The following MAEA variants were observed in gnomAD, a reference collection of about 807,000 sequenced individuals.
MAEA encodes E3 ubiquitin-protein transferase MAEA.
A neutral mutation model predicts 46.2 loss-of-function variants in MAEA; 22 were observed. The ratio of observed to expected loss-of-function variants is 0.48; its 90% CI spans 0.34 to 0.68. The LOEUF (loss-of-function observed/expected upper bound fraction) is 0.68. Among genes scored for constraint, MAEA ranks in the 30% least tolerant of loss-of-function variants. The pLI, the probability that MAEA is intolerant of heterozygous loss-of-function variation, is 0.01. For synonymous variants in MAEA, 246 were observed against 222.6 expected (o/e 1.11, Z -0.94); for missense variants, 393 against 558.1 (o/e 0.70, Z 2.98).
At chr4:1,326,810 G>A (rs568019832) in intron 4 of MAEA, among the ~76,000 whole-genome samples, 11 of 152,352 alleles carry the variant, frequency 7.2e-5, no homozygotes, top group Non-Finnish European at 1.5e-4. Context: ...TGGGGCCTCG[G>A]CACCGGCCCC....
intron 6 of MAEA, chr4:1,335,342 G>C (rs1365500144): frequency 3.3e-5 from 33 of 985,366 alleles, no homozygotes; most frequent in Admixed American, 6.1e-5. Flanking sequence ...ACACATTCCA[G>C]ATCATTCAAG....
chr4:1,299,604 GC>G (rs59579894), intron 1 of MAEA: 23,435 of 152,414 alleles, frequency 0.15, 3,472 homozygotes, highest in East Asian at 0.42. Context: ...AGGGTGCTGG[GC>G]CCAGTGGCCT....
At chr4:1,299,514 C>T (rs6837701) in intron 1 of MAEA, 23,499 of 153,182 alleles carry the variant, frequency 0.15, 3,485 homozygotes, top group East Asian at 0.42. Context: ...CAGATCCTGT[C>T]GTCTTTTTGT....
intron 1 of MAEA, among the ~76,000 whole-genome samples, chr4:1,306,157 A>G (rs1203441997): frequency 1.3e-5 from 2 of 152,182 alleles, no homozygotes; most frequent in Admixed American, 6.5e-5. Flanking sequence ...AGTCACACCC[A>G]GAATAATACT....
intron 8 of MAEA, 22 bp downstream of exon 8, chr4:1,338,639 G>A (rs752323494): frequency 6.3e-7 from 1 of 1,577,904 alleles, no homozygotes. Context: ...AGGGCAGGGG[G>A]GCCAGGCTGG....
intron 3 of MAEA, among the ~76,000 whole-genome samples, chr4:1,318,755 A>AG (rs1737640678): frequency 6.6e-6 from 1 of 152,126 alleles, no homozygotes; most frequent in South Asian, 2.1e-4. Flanking sequence ...GACTTCCTGT[A>AG]GGGGGCGCCA....
intron 3 of MAEA, among the ~76,000 whole-genome samples, chr4:1,316,550 C>G (rs991743531): frequency 6.6e-6 from 1 of 152,066 alleles, no homozygotes; most frequent in African/African-American, 2.4e-5. Flanking sequence ...CTCCCCATGC[C>G]CAGCCATGCG....
chr4:1,306,641 G>A (rs918723283), intron 1 of MAEA, among the ~76,000 whole-genome samples: 2 of 152,182 alleles, frequency 1.3e-5, no homozygotes, highest in Admixed American at 6.5e-5. Context: ...CCCAGTCCAT[G>A]GCTCGTGTTC....
At chr4:1,298,520 C>T (rs542183671) in intron 1 of MAEA, among the ~76,000 whole-genome samples, 24 of 152,368 alleles carry the variant, frequency 1.6e-4, no homozygotes, top group African/African-American at 5.5e-4. Flanking sequence ...TGCTTCTCAT[C>T]TGGTTTTACC....
intron 3 of MAEA, among the ~76,000 whole-genome samples, chr4:1,321,811 C>T (rs1325718865): frequency 2.0e-5 from 3 of 152,094 alleles, no homozygotes; most frequent in African/African-American, 4.8e-5. Context: ...AGCACCCACC[C>T]CCTGTGCCCG....
chr4:1,308,419 A>G (rs887801257), intron 1 of MAEA, among the ~76,000 whole-genome samples: 1 of 152,194 alleles, frequency 6.6e-6, no homozygotes, highest in Non-Finnish European at 1.5e-5. Flanking sequence ...ACAGGTGTGC[A>G]GATACCTCCT....
intron 1 of MAEA, among the ~76,000 whole-genome samples, chr4:1,291,442 A>C (rs1056224517): frequency 2.0e-5 from 3 of 152,170 alleles, no homozygotes; most frequent in African/African-American, 7.2e-5. Flanking sequence ...GGTTTTTAAT[A>C]CTCAGTGACA....
At position 1,311,993 on chromosome 4, in the gene MAEA, G is replaced by T. The variant is rs761882496; in HGVS notation, c.84G>T (p.Thr28=). Residue 28 remains threonine, a synonymous_variant, in exon 2 of 9, where the codon ACG becomes ACT. Coordinates refer to ENST00000303400, the MANE Select transcript of MAEA (RefSeq NM_001017405.3). This position sits in a 1 kb window ranked among gnomAD's most constrained non-coding sequence, Gnocchi z 4.4. Reference sequence around the variant, plus strand: ...TTCCTCTCCAGGTGCCCTACGAGACGCTGAACAAACGCTTTCGCGCCGCTC... The same window carrying T: ...TTCCTCTCCAGGTGCCCTACGAGACTCTGAACAAACGCTTTCGCGCCGCTC... ...EYPTLKVPYE[T]LNKRFRAAQK... is the part of the protein sequence containing the mutation. The T allele has an allele frequency of 1.2e-6, 2 of 1,610,008 alleles. No individual in the cohort carries two copies. Among genetic ancestry groups the T allele is most frequent in the African/African-American group, 1.3e-5 (1 of 74,870 alleles).
At chr4:1,306,197 G>C (rs1333036199) in intron 1 of MAEA, among the ~76,000 whole-genome samples, 1 of 152,198 alleles carries the variant, frequency 6.6e-6, no homozygotes, top group East Asian at 1.9e-4. Context: ...GAACCTGGCA[G>C]CGTCAAATGG....
chr4:1,296,652 C>G (rs541830441), intron 1 of MAEA, among the ~76,000 whole-genome samples: 2 of 152,048 alleles, frequency 1.3e-5, no homozygotes, highest in Non-Finnish European at 2.9e-5. Context: ...TGCCCCCGTC[C>G]TCCTCCAGCT....
chr4:1,312,265 A>C, intron 2 of MAEA, 104 bp downstream of exon 2: 1 of 1,428,344 alleles, frequency 7.0e-7, no homozygotes. Context: ...GGAACGCGGG[A>C]GGTGCGGTTG....
chr4:1,310,687 C>T (rs1736379903), intron 1 of MAEA, among the ~76,000 whole-genome samples: 1 of 152,338 alleles, frequency 6.6e-6, no homozygotes, highest in South Asian at 2.1e-4. Context: ...AGCGTGTGCA[C>T]CCTGTCACCC....
intron 7 of MAEA, chr4:1,337,210 G>A (rs949500235): frequency 1.9e-5 from 11 of 580,378 alleles, no homozygotes; most frequent in Non-Finnish European, 2.4e-5. Context: ...GGGAAGTGGC[G>A]CGCTTCCTCT....
chr4:1,334,884 T>C, intron 6 of MAEA: 2 of 985,434 alleles, frequency 2.0e-6, no homozygotes, highest in Non-Finnish European at 2.4e-6. Context: ...CTTGTAGACT[T>C]TGATTTTTAG....
Sources: allele counts gnomAD v4.1 joint callset (sites outside exome capture counted in the v4.1 genomes callset), GRCh38; gene constraint gnomAD v4.1.1; non-coding constraint Gnocchi (gnomAD v3.1); transcripts MANE v1.5; gene names NCBI Gene and HGNC (gene_info 2026-07-23, HGNC 2026-07-21).